Variants in ADGRL2 observed in about 807,000 individuals in gnomAD.
ADGRL2 encodes the protein adhesion G protein-coupled receptor L2.
ADGRL2 carries 44 observed loss-of-function variants against 157.4 expected under a neutral mutation model. That is an observed-to-expected ratio of 0.28 (90% CI 0.22 to 0.36). The LOEUF (loss-of-function observed/expected upper bound fraction) is 0.36, where lower values mean the gene tolerates loss of function less well. Ranked by LOEUF, ADGRL2 falls within the 10% of genes least tolerant of loss-of-function variation. The probability of loss-of-function intolerance (pLI) is 1.00; values close to 1 mark genes in which losing one functional copy is unlikely to be tolerated. For synonymous variants in ADGRL2, 585 were observed against 624.7 expected (o/e 0.94, Z 0.95); for missense variants, 1,510 against 1,768.9 (o/e 0.85, Z 2.63).
intron 2 of ADGRL2, among the ~76,000 whole-genome samples, chr1:81,456,986 A>G (rs1389728548): frequency 6.6e-6 from 1 of 152,048 alleles, no homozygotes; most frequent in Non-Finnish European, 1.5e-5. Context: ...CCTGAACTGA[A>G]GCCCAATGCA....
At chr1:81,924,855 T>C (rs1408188940) in intron 3 of ADGRL2, among the ~76,000 whole-genome samples, 1 of 152,104 alleles carries the variant, frequency 6.6e-6, no homozygotes, top group African/African-American at 2.4e-5. Context: ...GTCAAAGAGA[T>C]TGTGTTGCCA....
At chr1:81,673,771 C>T (rs183029772) in intron 3 of ADGRL2, among the ~76,000 whole-genome samples, 118 of 152,270 alleles carry the variant, frequency 7.7e-4, no homozygotes, top group African/African-American at 2.8e-3. Context: ...CCCGCCTCGG[C>T]CTCCCAAAGT....
At chr1:81,493,932 C>G (rs553952736) in intron 2 of ADGRL2, among the ~76,000 whole-genome samples, 2 of 152,190 alleles carry the variant, frequency 1.3e-5, no homozygotes, top group African/African-American at 4.8e-5. Flanking sequence ...CAGTCTGATT[C>G]TCAATGTGAA....
intron 2 of ADGRL2, among the ~76,000 whole-genome samples, chr1:81,853,021 G>A (rs1011282010): frequency 6.6e-6 from 1 of 152,130 alleles, no homozygotes; most frequent in African/African-American, 2.4e-5. Context: ...AAGAGGCAGA[G>A]GCAGCTGGTC....
At chr1:81,385,044 G>A (rs943166614) in intron 1 of ADGRL2, among the ~76,000 whole-genome samples, 4 of 152,058 alleles carry the variant, frequency 2.6e-5, no homozygotes, top group Non-Finnish European at 4.4e-5. Context: ...TTCTACATAC[G>A]TTGCCTGTAC....
At chr1:81,722,677 G>C in intron 1 of ADGRL2, 1 of 1,246,164 alleles carries the variant, frequency 8.0e-7, no homozygotes, top group Non-Finnish European at 1.2e-6. Flanking sequence ...TCAACCTAGG[G>C]CACAGGAAAT....
chr1:81,755,595 T>G (rs1360268272), intron 1 of ADGRL2, among the ~76,000 whole-genome samples: 4 of 152,118 alleles, frequency 2.6e-5, no homozygotes, highest in Non-Finnish European at 5.9e-5. Context: ...AGAAACTGCT[T>G]TTGAATTGAC....
intron 1 of ADGRL2, among the ~76,000 whole-genome samples, chr1:81,323,345 C>A (rs567554178): frequency 6.6e-6 from 1 of 151,822 alleles, no homozygotes; most frequent in Non-Finnish European, 1.5e-5. Flanking sequence ...GCTCATGCAA[C>A]CCTCCCACCT....
At chr1:81,824,512 C>T (rs1210649498) in intron 1 of ADGRL2, among the ~76,000 whole-genome samples, 4 of 152,096 alleles carry the variant, frequency 2.6e-5, no homozygotes, top group African/African-American at 9.7e-5. Flanking sequence ...TGGGCTCAAG[C>T]CATCCTCCTG....
At chr1:81,362,262 G>A (rs957392925) in intron 1 of ADGRL2, among the ~76,000 whole-genome samples, 14 of 151,550 alleles carry the variant, frequency 9.2e-5, no homozygotes, top group East Asian at 1.9e-4. Flanking sequence ...ATCCCTCTGC[G>A]TCCTCTCTCT....
At chr1:81,650,569 C>T (rs1368352170) in intron 3 of ADGRL2, among the ~76,000 whole-genome samples, 2 of 122,782 alleles carry the variant, frequency 1.6e-5, no homozygotes, top group Non-Finnish European at 1.6e-5. Context: ...AGTGAGACTC[C>T]ATCTCAAAAA....
At chr1:81,310,174 T>A (rs1469996929) in intron 1 of ADGRL2, among the ~76,000 whole-genome samples, 1 of 152,112 alleles carries the variant, frequency 6.6e-6, no homozygotes, top group Non-Finnish European at 1.5e-5. Flanking sequence ...GGTCTGACGG[T>A]GAAACATTGA....
chr1:81,831,961 C>T (rs769200189), intron 1 of ADGRL2, among the ~76,000 whole-genome samples: 1 of 152,040 alleles, frequency 6.6e-6, no homozygotes, highest in Non-Finnish European at 1.5e-5. Context: ...TTTTACCTCT[C>T]GGAGCCTCAG....
At chr1:81,987,351 C>A in intron 22 of ADGRL2, 2 of 1,462,710 alleles carry the variant, frequency 1.4e-6, no homozygotes, top group Non-Finnish European at 1.9e-6. Context: ...GGTATCCTAT[C>A]TATATAATAT....
chr1:81,845,956 A>G (rs905621852), intron 2 of ADGRL2, among the ~76,000 whole-genome samples: 1 of 151,916 alleles, frequency 6.6e-6, no homozygotes, highest in Non-Finnish European at 1.5e-5. Context: ...AAAAATGTAT[A>G]TCTTGATCTC....
intron 3 of ADGRL2, among the ~76,000 whole-genome samples, chr1:81,918,717 C>T (rs1456447905): frequency 6.6e-6 from 1 of 152,028 alleles, no homozygotes; most frequent in Non-Finnish European, 1.5e-5. Flanking sequence ...GGAAAAGCAA[C>T]ATTATAGAAA....
chr1:81,503,765 T>G (rs2078907894), intron 2 of ADGRL2, among the ~76,000 whole-genome samples: 1 of 152,138 alleles, frequency 6.6e-6, no homozygotes, highest in Admixed American at 6.5e-5. Context: ...ACCTCCCAGC[T>G]CGGGGCACAG....
intron 3 of ADGRL2, among the ~76,000 whole-genome samples, chr1:81,621,805 A>G (rs2081796481): frequency 6.6e-6 from 1 of 152,212 alleles, no homozygotes; most frequent in African/African-American, 2.4e-5. Flanking sequence ...TTATGCAGCA[A>G]TAGAAAATTA....
intron 3 of ADGRL2, among the ~76,000 whole-genome samples, chr1:81,666,589 C>T (rs1369993293): frequency 2.0e-5 from 3 of 152,170 alleles, no homozygotes. Flanking sequence ...AAGAATTTCT[C>T]TCTCTAAGGG....
Sources: allele counts gnomAD v4.1 joint callset (sites outside exome capture counted in the v4.1 genomes callset), GRCh38; gene constraint gnomAD v4.1.1; transcripts MANE v1.5; gene names NCBI Gene and HGNC (gene_info 2026-07-23, HGNC 2026-07-21).